The following TC2N variants were observed in gnomAD, a reference collection of about 807,000 sequenced individuals.
TC2N encodes the protein tandem C2 domains, nuclear, also known as tandem C2 domains nuclear protein.
A neutral mutation model predicts 61.9 loss-of-function variants in TC2N; 51 were observed. The observed-to-expected ratio is 0.82, with a 90% confidence interval of 0.66 to 1.04. The LOEUF (loss-of-function observed/expected upper bound fraction) is 1.04. Among genes scored for constraint, TC2N ranks in the 50% least tolerant of loss-of-function variants. The pLI, the probability that TC2N is intolerant of heterozygous loss-of-function variation, is 0.00. For synonymous variants in TC2N, 204 were observed against 192.6 expected (o/e 1.06, Z -0.49); for missense variants, 556 against 566.7 (o/e 0.98, Z 0.19).
At chr14:91,814,357 C>G (rs1164989868) in intron 1 of TC2N, among the ~76,000 whole-genome samples, 1 of 116,162 alleles carries the variant, frequency 8.6e-6, no homozygotes, top group Non-Finnish European at 1.9e-5. Flanking sequence ...AGGGAAAGGT[C>G]AAAAAAAAAA....
chr14:91,789,573 T>G (rs1885542625), intron 9 of TC2N, among the ~76,000 whole-genome samples: 1 of 150,308 alleles, frequency 6.7e-6, no homozygotes, highest in African/African-American at 2.5e-5. Flanking sequence ...ATTGCACCAC[T>G]GCACTCCAGC....
At position 91,851,673 on chromosome 14, in the gene TC2N, C is replaced by A. The variant is rs556415834; in HGVS notation, c.-57+15589G>T. Among the ~76,000 whole-genome samples, 13 of 152,312 alleles carry A rather than the reference C, an allele frequency of 8.5e-5. No individual in the cohort carries two copies. In the South Asian group the frequency reaches 1.4e-3, roughly 17 times the overall value. ...AATTGCCTATTTATAACTTCTTTTT[C>A]TCTTCCCAAATGCCTATGTAAAATT... On this transcript the variant is annotated intron_variant, in intron 1 of 11. Coordinates refer to ENST00000435962, the MANE Select transcript of TC2N (RefSeq NM_001128596.3).
intron 3 of TC2N, among the ~76,000 whole-genome samples, chr14:91,811,026 T>C (rs1886741681): frequency 6.6e-6 from 1 of 152,120 alleles, no homozygotes; most frequent in Admixed American, 6.6e-5. Context: ...GACATATACT[T>C]TTGTCAATAT....
intron 9 of TC2N, among the ~76,000 whole-genome samples, chr14:91,789,475 G>A (rs1363505431): frequency 6.6e-6 from 1 of 151,768 alleles, no homozygotes; most frequent in African/African-American, 2.4e-5. Context: ...GCCACCCGTG[G>A]TGGCTGATAC....
At chr14:91,866,386 GTTATGA>G (rs1484338863) in intron 1 of TC2N, 4 of 152,342 alleles carry the variant, frequency 2.6e-5, no homozygotes, top group African/African-American at 9.6e-5. Context: ...ATTAGAAAGT[GTTATGA>G]TTGGCAAACC....
chr14:91,815,087 A>G (rs1252635349), intron 1 of TC2N, among the ~76,000 whole-genome samples: 1 of 151,668 alleles, frequency 6.6e-6, no homozygotes, highest in Non-Finnish European at 1.5e-5. Context: ...AGAAATGGAG[A>G]TGAAATTAAA....
intron 1 of TC2N, among the ~76,000 whole-genome samples, chr14:91,847,033 G>A (rs146842150): frequency 0.027 from 4,173 of 152,248 alleles, 207 homozygotes; most frequent in African/African-American, 0.094. Flanking sequence ...CGAGGCAGGC[G>A]GATCACCTGA....
At chr14:91,823,532 A>G (rs1840678989) in intron 1 of TC2N, among the ~76,000 whole-genome samples, 4 of 5,324 alleles carry the variant, frequency 7.5e-4, no homozygotes, top group South Asian at 0.25. Context: ...AAAAAAAAAA[A>G]AAAGAAAAAA....
rs902871501 is a variant in TC2N, at chr14:91,820,333, T to C, written c.-56-6508A>G. 4.6e-5 allele frequency among the ~76,000 whole-genome samples: 7 copies of C among 152,196 alleles called. No homozygotes were observed. The South Asian group carries it at 1.2e-3, about 27-fold the overall frequency. On this transcript the variant is annotated intron_variant, in intron 1 of 11. Coordinates refer to ENST00000435962, the MANE Select transcript of TC2N (RefSeq NM_001128596.3). Reference sequence around the variant, plus strand: ...GATTAGTTTAACATCTGATAATCAATTCATGTAATGCATCATATTAACAGA... The same window carrying C: ...GATTAGTTTAACATCTGATAATCAACTCATGTAATGCATCATATTAACAGA...
chr14:91,849,986 T>C (rs998346403), intron 1 of TC2N, among the ~76,000 whole-genome samples: 1 of 150,124 alleles, frequency 6.7e-6, no homozygotes, highest in African/African-American at 2.5e-5. Context: ...GAGGTGGAGG[T>C]TGCAGTGAGC....
intron 1 of TC2N, among the ~76,000 whole-genome samples, chr14:91,848,332 C>T (rs889757932): frequency 6.6e-6 from 1 of 152,128 alleles, no homozygotes; most frequent in African/African-American, 2.4e-5. Context: ...TAAGAGAAAA[C>T]CCACAGGATT....
chr14:91,825,026 C>CTTTTTTTTT (rs5810554), intron 1 of TC2N, among the ~76,000 whole-genome samples: 2 of 66,860 alleles, frequency 3.0e-5, no homozygotes, highest in Non-Finnish European at 5.2e-5. Flanking sequence ...TTTTTCTTTT[C>CTTTTTTTTT]TTTTTTTTTT....
chr14:91,789,056 A>G (rs1885506715), intron 9 of TC2N, among the ~76,000 whole-genome samples: 1 of 152,220 alleles, frequency 6.6e-6, no homozygotes, highest in Non-Finnish European at 1.5e-5. Flanking sequence ...TATAAAACAC[A>G]AGGGAAATCA....
At chr14:91,861,905 C>G (rs1006584591) in intron 1 of TC2N, among the ~76,000 whole-genome samples, 1 of 124,064 alleles carries the variant, frequency 8.1e-6, no homozygotes, top group Admixed American at 9.7e-5. Context: ...GAAACCATGT[C>G]GTTGGAAAAT....
At position 91,797,790 on chromosome 14, in the gene TC2N, A is replaced by G. The variant is rs1389562719; in HGVS notation, c.850T>C (p.Ser284Pro). The G allele has an allele frequency of 6.3e-7, 1 of 1,585,206 alleles. No homozygotes were observed. The highest frequency in any genetic ancestry group is 1.4e-5 in the African/African-American group (1 of 73,166). ...AAATACAAACAGCCACTTACGTTGG[A>G]ACCTTCCTTGGCTGAAGATTTGAAA... ...VHFKSSAKEGSNAIEFMETFV... is the reference protein window; with the variant it reads ...VHFKSSAKEGPNAIEFMETFV... The change falls in exon 8 of 12, where the codon TCC (serine) becomes CCC (proline). Residue 284 changes from serine (S) to proline (P), a missense_variant. Physicochemically the swap from Ser to Pro is moderately conservative, Grantham distance 74. Transcript: ENST00000435962.
chr14:91,834,491 C>A (rs1028443531), intron 1 of TC2N, among the ~76,000 whole-genome samples: 8 of 151,988 alleles, frequency 5.3e-5, no homozygotes, highest in Admixed American at 2.0e-4. Context: ...TAATCATCTC[C>A]CTAATCAATG....
In TC2N at chr14:91,785,243, A is replaced by G. The variant is rs61990064; in HGVS notation, c.1281T>C (p.Leu427=). 0.16 allele frequency: 261,712 copies of G among 1,612,206 alleles called. 22,135 individuals are homozygous for G. Among genetic ancestry groups the G allele is most frequent in the Non-Finnish European group, 0.17 (201,307 of 1,178,476 alleles). The change falls in exon 11 of 12, where the codon CTT becomes CTC. Residue 427 remains leucine, a synonymous_variant. Transcript: ENST00000435962. The part of the protein sequence containing the change: ...VKWGETMIFP[L]IQSEKEIVFL... ...AAACAATTTCTTTTTCACTCTGTAT[A>G]AGTGGAAAAATCATAGTCTCTCCCC...
chr14:91,850,348 T>C (rs8006831), intron 1 of TC2N, among the ~76,000 whole-genome samples: 4,951 of 152,104 alleles, frequency 0.033, 279 homozygotes, highest in African/African-American at 0.11. Context: ...AAATATTTGG[T>C]GAATGAAAGA....
In TC2N at chr14:91,854,508, T is replaced by TGGA. The variant is rs111798033; in HGVS notation, c.-57+12751_-57+12753dup. Among the ~76,000 whole-genome samples, 138 of 95,124 alleles carry TGGA rather than the reference T, an allele frequency of 1.5e-3. 1 individual carries two copies. Among genetic ancestry groups the TGGA allele is most frequent in the Admixed American group, 3.9e-3 (32 of 8,120 alleles). The allele number at this position is 95,124 out of a possible 152,430, so 62.4% of individuals were successfully genotyped here. ...GGAGGTGGAGAGGAGGAGAAGGAGG[T>TGGA]GGAGGAGGAGGAGGAGGAGGAGGAG... is the stretch of plus-strand genomic sequence containing the variant. On this transcript the variant is annotated intron_variant, in intron 1 of 11. Coordinates refer to ENST00000435962, the MANE Select transcript of TC2N (RefSeq NM_001128596.3).
Sources: allele counts gnomAD v4.1 joint callset (sites outside exome capture counted in the v4.1 genomes callset), GRCh38; gene constraint gnomAD v4.1.1; transcripts MANE v1.5; gene names NCBI Gene and HGNC (gene_info 2026-07-23, HGNC 2026-07-21).